RBL2: variants seen among roughly 807,000 people sequenced by gnomAD.
The protein encoded by RBL2 is retinoblastoma-like protein 2.
In RBL2, 56 loss-of-function variants were observed where a neutral mutation model predicts 126.0. The observed-to-expected ratio is 0.44, with a 90% CI of 0.36 to 0.56. The LOEUF (loss-of-function observed/expected upper bound fraction) is 0.56, where lower values mean the gene tolerates loss of function less well. Among genes scored for constraint, RBL2 ranks in the 20% least tolerant of loss-of-function variants. The pLI is 0.00. For missense variants in RBL2, 1,229 were observed against 1,398.2 expected, an observed-to-expected ratio of 0.88 and a Z score of 1.93; for synonymous variants, 454 against 478.5, an observed-to-expected ratio of 0.95 and a Z score of 0.67.
chr16:53,481,719 C>A lies in RBL2; in HGVS notation c.3133C>A (p.Pro1045Thr), dbSNP rs377093625. 6.2e-7 allele frequency: 1 copy of A among 1,610,986 alleles called. No individual in the cohort carries two copies. Reference protein sequence around the residue: ...SPYPFVRTGSPRRIQLSQNHP... With the variant: ...SPYPFVRTGSTRRIQLSQNHP... ...CTATCCATTTGTAAGAACAGGCTCC[C>A]CTCGCCGAATACAGTTGTCTCAAAA... is the stretch of plus-strand genomic sequence containing the variant. Residue 1045 changes from proline (P) to threonine (T), a missense_variant, in exon 21 of 22, where the codon CCT becomes ACT. Physicochemically the swap from Pro to Thr is conservative, Grantham distance 38 (BLOSUM62 -1). Transcript: ENST00000262133.
In RBL2 at chr16:53,447,120, A is replaced by C. The variant is rs753769345; in HGVS notation, c.637+14A>C. 2.5e-5 allele frequency: 33 copies of C among 1,342,874 alleles called. No individual in the cohort carries two copies. Among genetic ancestry groups the C allele is most frequent in the Non-Finnish European group, 3.1e-5 (30 of 955,144 alleles). 83.2% of individuals were successfully genotyped at this position (1,342,874 alleles called of 1,614,324 possible). Reference sequence around the variant, plus strand: ...TATATGCAAAAGGTAAGAAAATAGTAATATTTATTTAGATTTAATATGTCT... The same window carrying C: ...TATATGCAAAAGGTAAGAAAATAGTCATATTTATTTAGATTTAATATGTCT... On this transcript the variant is annotated intron_variant, in intron 4 of 21. Coordinates refer to ENST00000262133, the MANE Select transcript of RBL2 (RefSeq NM_005611.4).
At chr16:53,456,461 G>A (rs2058168433) in intron 8 of RBL2, among the ~76,000 whole-genome samples, 2 of 152,134 alleles carry the variant, frequency 1.3e-5, no homozygotes, top group South Asian at 4.1e-4. Flanking sequence ...TTTGTAGCTG[G>A]GCCATATTTT....
At chr16:53,481,485 T>G (rs1960943676) in intron 20 of RBL2, 186 bp from the exon 21 acceptor site, 1 of 539,748 alleles carries the variant, frequency 1.9e-6, no homozygotes, top group Non-Finnish European at 3.1e-6. Context: ...AAATAATAAC[T>G]GGCACAAACT....
At chr16:53,479,350 A>C in intron 18 of RBL2, 125 bp downstream of exon 18, 1 of 739,674 alleles carries the variant, frequency 1.4e-6, no homozygotes, top group East Asian at 2.7e-5. Flanking sequence ...TACTTAAGGG[A>C]AGTTTCTACT....
At chr16:53,441,738 A>G (rs9921587) in intron 2 of RBL2, among the ~76,000 whole-genome samples, 82,847 of 152,054 alleles carry the variant, frequency 0.54, 25,038 homozygotes, top group African/African-American at 0.81. Context: ...GACCAACTTT[A>G]GAATGGTTTT....
At chr16:53,448,982 G>T (rs80198205) in intron 4 of RBL2, 1 of 152,136 alleles carries the variant, frequency 6.6e-6, no homozygotes, top group East Asian at 1.9e-4. Context: ...GGTGAGAGCC[G>T]CCATCCTTCC....
At chr16:53,438,992 A>C in intron 1 of RBL2, 24 bp from the exon 2 acceptor site, 1 of 1,497,492 alleles carries the variant, frequency 6.7e-7, no homozygotes, top group Non-Finnish European at 9.0e-7. Flanking sequence ...TTTAACTAAA[A>C]ATCAATTTTC....
intron 3 of RBL2, among the ~76,000 whole-genome samples, chr16:53,444,815 T>A (rs944321927): frequency 6.6e-6 from 1 of 152,136 alleles, no homozygotes; most frequent in African/African-American, 2.4e-5. Flanking sequence ...GCCACTGCAC[T>A]CCAGCCTAGG....
intron 1 of RBL2, among the ~76,000 whole-genome samples, chr16:53,435,094 C>T (rs959748406): frequency 6.6e-6 from 1 of 151,998 alleles, no homozygotes; most frequent in Non-Finnish European, 1.5e-5. Context: ...CCCATCTGAC[C>T]CCCCGCCCGC....
At chr16:53,452,799 T>A (rs2058127923) in intron 5 of RBL2, among the ~76,000 whole-genome samples, 2 of 152,118 alleles carry the variant, frequency 1.3e-5, no homozygotes, top group South Asian at 4.1e-4. Flanking sequence ...CCCAGGTAGC[T>A]GGGACTACAG....
Position 53,439,104 on chromosome 16 carries a change from A to G in RBL2, c.329A>G (p.Asn110Ser). Residue 110 changes from asparagine (N) to serine (S), a missense_variant, in exon 2 of 22, where the codon AAC (asparagine) becomes AGC (serine). By Grantham distance (46) the Asn-to-Ser change is conservative. This residue lies in a region of RBL2 where 1,070 missense variants were observed against 1,274.3 expected (regional missense o/e 0.84). Coordinates refer to ENST00000262133, the MANE Select transcript of RBL2 (RefSeq NM_005611.4). ...GTAAGCAAAGGGACAGTGGAAGGAA[A>G]CTATGTATCTTTAACTAGAATCCTG... ...PTVSKGTVEG[N>S]YVSLTRILKC... 6.2e-7 allele frequency: 1 copy of G among 1,608,426 alleles called. No individual in the cohort carries two copies. Among genetic ancestry groups the G allele is most frequent in the Non-Finnish European group, 8.5e-7 (1 of 1,177,452 alleles).
At position 53,479,222 on chromosome 16, in the gene RBL2, C is replaced by T. The variant is rs776094145; in HGVS notation, c.2772C>T (p.Ser924=). Residue 924 remains serine, a synonymous_variant, in exon 18 of 22, where the codon AGC becomes AGT. Transcript: ENST00000262133. ...RCYRTQPQAR[S]QVYRSVLIKG... is the part of the protein sequence containing the mutation. ...ATAGGACTCAGCCGCAGGCCCGGAG[C>T]CAGGTAACTACATTTTCTCTATGGG... 1.2e-6 allele frequency: 2 copies of T among 1,611,664 alleles called. No individual in the cohort carries two copies. The highest frequency in any genetic ancestry group is 2.2e-5 in the South Asian group (2 of 91,028).
intron 14 of RBL2, among the ~76,000 whole-genome samples, chr16:53,468,011 C>T (rs1451104592): frequency 6.6e-6 from 1 of 152,094 alleles, no homozygotes; most frequent in Non-Finnish European, 1.5e-5. Context: ...CAGAAAAGGG[C>T]AGTTTTGCTA....
chr16:53,435,577 C>T, intron 1 of RBL2: 1 of 1,235,100 alleles, frequency 8.1e-7, no homozygotes, highest in Non-Finnish European at 1.0e-6. Flanking sequence ...GTATGCACCT[C>T]CCCTTCATGG....
In RBL2 at chr16:53,451,835, G is replaced by T; in HGVS notation, c.766+4G>T. 1 of 1,613,092 alleles carries T rather than the reference G, an allele frequency of 6.2e-7. No homozygotes were observed. The highest frequency in any genetic ancestry group is 8.5e-7 in the Non-Finnish European group (1 of 1,179,420). Reference sequence around the variant, plus strand: ...CTTGTGAACCCTAATTTTAAAGGTAGGTTTGTAAATCAAAGATTTTTGGGC... The same window carrying T: ...CTTGTGAACCCTAATTTTAAAGGTATGTTTGTAAATCAAAGATTTTTGGGC... On this transcript the variant is annotated splice_donor_region_variant and intron_variant, in intron 5 of 21. Transcript: ENST00000262133.
chr16:53,466,390 T>G (rs959439924), intron 13 of RBL2, among the ~76,000 whole-genome samples: 1 of 152,052 alleles, frequency 6.6e-6, no homozygotes, highest in Non-Finnish European at 1.5e-5. Flanking sequence ...TGCCTTACAT[T>G]TATTGCACAC....
chr16:53,455,429 T>C (rs1428422726), intron 8 of RBL2, among the ~76,000 whole-genome samples: 3 of 152,228 alleles, frequency 2.0e-5, no homozygotes, highest in African/African-American at 7.2e-5. Flanking sequence ...GACTTGAGAC[T>C]GGTCTGCTTA....
At chr16:53,453,672 A>C (rs774336755) in intron 6 of RBL2, 33 bp from the exon 7 acceptor site, 1 of 1,604,238 alleles carries the variant, frequency 6.2e-7, no homozygotes, top group South Asian at 1.1e-5. Flanking sequence ...TTGATTTAAC[A>C]TGACGACTTA....
At chr16:53,455,235 AAATTCTTTTAAACTG>A (rs1933945138) in intron 8 of RBL2, among the ~76,000 whole-genome samples, 1 of 152,212 alleles carries the variant, frequency 6.6e-6, no homozygotes, top group African/African-American at 2.4e-5. Context: ...GTCTTTAAGA[AAATTCTTTTAAACTG>A]AATTTCAGGA....
Sources: gnomAD v4.1 joint callset for allele counts (sites outside exome capture counted in the v4.1 genomes callset) on GRCh38, gnomAD v4.1.1 for gene constraint, gnomAD v4.1.1 regional missense constraint, MANE v1.5 for transcripts, NCBI Gene and HGNC (gene_info 2026-07-23, HGNC 2026-07-21) for gene names.